The following TEAD1 variants were observed in gnomAD, a reference collection of about 807,000 sequenced individuals.
The protein encoded by TEAD1 is TEA domain transcription factor 1.
TEAD1 carries 9 observed loss-of-function variants against 54.9 expected under a neutral mutation model. That is an observed-to-expected ratio of 0.16 (90% CI 0.10 to 0.29). The LOEUF is 0.29. TEAD1 is among the 10% of genes least tolerant of loss of function. The probability of loss-of-function intolerance (pLI) is 1.00; values close to 1 mark genes in which losing one functional copy is unlikely to be tolerated. For missense variants in TEAD1, 387 were observed against 535.9 expected (o/e 0.72, Z 2.74); for synonymous variants, 200 against 187.8 (o/e 1.07, Z -0.53).
chr11:12,719,966 T>G (rs1722808098), intron 2 of TEAD1, among the ~76,000 whole-genome samples: 1 of 47,292 alleles, frequency 2.1e-5, no homozygotes, highest in African/African-American at 1.8e-4. Flanking sequence ...TTTTTTTTTT[T>G]TTTTTTTTTT....
chr11:12,814,861 G>T (rs570489080), intron 3 of TEAD1, among the ~76,000 whole-genome samples: 1 of 151,622 alleles, frequency 6.6e-6, no homozygotes, highest in South Asian at 2.1e-4. Context: ...CCCGAGCTGT[G>T]TGTGTGTGTC....
chr11:12,687,128 T>C (rs1564906844), intron 2 of TEAD1, among the ~76,000 whole-genome samples: 1 of 152,238 alleles, frequency 6.6e-6, no homozygotes, highest in Non-Finnish European at 1.5e-5. Context: ...GGTAAATCAT[T>C]TGAAAATCTT....
At chr11:12,706,242 C>T in intron 2 of TEAD1, among the ~76,000 whole-genome samples, 1 of 152,118 alleles carries the variant, frequency 6.6e-6, no homozygotes, top group East Asian at 1.9e-4. Flanking sequence ...TTGAAGAAAC[C>T]CCTCTTCCAT....
intron 2 of TEAD1, among the ~76,000 whole-genome samples, chr11:12,687,711 A>C (rs1368194956): frequency 6.6e-6 from 1 of 152,200 alleles, no homozygotes; most frequent in African/African-American, 2.4e-5. Context: ...TCTTACAAAC[A>C]TATGGCTAAG....
chr11:12,719,177 A>G (rs889647125), intron 2 of TEAD1, among the ~76,000 whole-genome samples: 3 of 151,930 alleles, frequency 2.0e-5, no homozygotes, highest in Non-Finnish European at 4.4e-5. Flanking sequence ...GCCTGTGTTT[A>G]GCTGACTCTG....
chr11:12,741,932 C>A (rs1420257020), intron 2 of TEAD1, among the ~76,000 whole-genome samples: 1 of 152,194 alleles, frequency 6.6e-6, no homozygotes, highest in East Asian at 1.9e-4. Context: ...CTGTCTGTTA[C>A]CTCAGCTTTA....
At chr11:12,857,765 C>T (rs536758088) in intron 3 of TEAD1, among the ~76,000 whole-genome samples, 33 of 152,190 alleles carry the variant, frequency 2.2e-4, no homozygotes, top group Non-Finnish European at 3.4e-4. Flanking sequence ...TCTGTGAGCT[C>T]ACCCCTTTGG....
At chr11:12,849,820 G>A (rs551850092) in intron 3 of TEAD1, among the ~76,000 whole-genome samples, 2 of 152,238 alleles carry the variant, frequency 1.3e-5, no homozygotes, top group African/African-American at 2.4e-5. Flanking sequence ...TTTATTCAGT[G>A]GAGAATCTAT....
intron 2 of TEAD1, among the ~76,000 whole-genome samples, chr11:12,730,277 C>T (rs1944393153): frequency 6.6e-6 from 1 of 152,070 alleles, no homozygotes; most frequent in South Asian, 2.1e-4. Flanking sequence ...GTCAGCAGAA[C>T]CTTGTGAGGT....
At chr11:12,836,140 G>C (rs1456181573) in intron 3 of TEAD1, among the ~76,000 whole-genome samples, 1 of 152,094 alleles carries the variant, frequency 6.6e-6, no homozygotes, top group Non-Finnish European at 1.5e-5. Context: ...GATCTTTTAG[G>C]CCGGGTGTGG....
At chr11:12,773,050 C>T (rs1484863437) in intron 3 of TEAD1, among the ~76,000 whole-genome samples, 2 of 152,154 alleles carry the variant, frequency 1.3e-5, no homozygotes, top group African/African-American at 4.8e-5. Context: ...TTGGGATTGG[C>T]TTTTTTTCAA....
At chr11:12,931,399 C>G (rs1285543855) in intron 12 of TEAD1, among the ~76,000 whole-genome samples, 1 of 152,144 alleles carries the variant, frequency 6.6e-6, no homozygotes, top group Non-Finnish European at 1.5e-5. Flanking sequence ...GGGAAACAAT[C>G]TTAGCAAAAG....
chr11:12,713,796 T>G (rs1943994354), intron 2 of TEAD1, among the ~76,000 whole-genome samples: 1 of 152,192 alleles, frequency 6.6e-6, no homozygotes, highest in Non-Finnish European at 1.5e-5. Flanking sequence ...CGCCGTCCTT[T>G]GCGTGTCAGC....
chr11:12,786,909 T>G (rs1945688415), intron 3 of TEAD1, among the ~76,000 whole-genome samples: 1 of 152,118 alleles, frequency 6.6e-6, no homozygotes, highest in Non-Finnish European at 1.5e-5. Context: ...AGAAGAGTCT[T>G]CTAGGCAGAG....
intron 2 of TEAD1, among the ~76,000 whole-genome samples, chr11:12,709,939 C>T (rs1564914115): frequency 6.6e-6 from 1 of 151,968 alleles, no homozygotes; most frequent in Non-Finnish European, 1.5e-5. Context: ...GACTCTTCTA[C>T]CTTTTAAAAG....
At chr11:12,902,242 C>T in intron 10 of TEAD1, 129 bp downstream of exon 10, 1 of 1,286,194 alleles carries the variant, frequency 7.8e-7, no homozygotes, top group Non-Finnish European at 1.1e-6. Context: ...TGCACAATTG[C>T]CAAGGGAGCA....
At chr11:12,709,577 A>G (rs138898341) in intron 2 of TEAD1, among the ~76,000 whole-genome samples, 48 of 152,052 alleles carry the variant, frequency 3.2e-4, no homozygotes, top group African/African-American at 9.6e-4. Flanking sequence ...TTGGAGTGCA[A>G]TGGTGTGATC....
intron 3 of TEAD1, among the ~76,000 whole-genome samples, chr11:12,849,716 C>G (rs1420954687): frequency 2.6e-5 from 4 of 152,192 alleles, no homozygotes; most frequent in Non-Finnish European, 5.9e-5. Flanking sequence ...AATGCAACAC[C>G]TCCAGCCTAT....
intron 3 of TEAD1, among the ~76,000 whole-genome samples, chr11:12,772,325 G>C (rs969324849): frequency 2.6e-5 from 4 of 152,152 alleles, no homozygotes; most frequent in African/African-American, 9.7e-5. Flanking sequence ...TGGCCATTTG[G>C]TTAGTTGGGG....
Sources: allele counts gnomAD v4.1 joint callset (sites outside exome capture counted in the v4.1 genomes callset), GRCh38; gene constraint gnomAD v4.1.1; transcripts MANE v1.5; gene names NCBI Gene and HGNC (gene_info 2026-07-23, HGNC 2026-07-21).